Variants in PSME4 observed in about 807,000 individuals in gnomAD.
The protein encoded by PSME4 is proteasome activator subunit 4.
Under a neutral mutation model 253.9 loss-of-function variants are expected in PSME4, and 89 were observed. The observed-to-expected ratio is 0.35, with a 90% CI of 0.30 to 0.42. The LOEUF is 0.42. PSME4 is among the 10% of genes least tolerant of loss of function. The pLI is 1.00. For missense variants in PSME4, 2,014 were observed against 2,195.2 expected (o/e 0.92, Z 1.65); for synonymous variants, 851 against 759.2 (o/e 1.12, Z -1.99).
chr2:53,947,978 T>C (rs547179108), intron 3 of PSME4, among the ~76,000 whole-genome samples: 1 of 152,154 alleles, frequency 6.6e-6, no homozygotes, highest in Non-Finnish European at 1.5e-5. Context: ...ATCACACCAC[T>C]GCACTCCAGC....
chr2:53,938,462 C>T (rs1239289066), intron 4 of PSME4, among the ~76,000 whole-genome samples: 3 of 149,704 alleles, frequency 2.0e-5, no homozygotes, highest in African/African-American at 7.3e-5. Context: ...CTGCTAAATA[C>T]ACCTTAATGG....
chr2:53,904,183 C>A, intron 26 of PSME4, 27 bp from the exon 27 acceptor site: 1 of 1,586,698 alleles, frequency 6.3e-7, no homozygotes, highest in Non-Finnish European at 8.6e-7. Flanking sequence ...TAACAAAGGA[C>A]TTTTATTAAA....
At chr2:53,930,513 C>G (rs1218271984) in intron 10 of PSME4, among the ~76,000 whole-genome samples, 1 of 152,174 alleles carries the variant, frequency 6.6e-6, no homozygotes, top group Non-Finnish European at 1.5e-5. Flanking sequence ...TTCCCCCACT[C>G]CATTTCCTAA....
In PSME4 at chr2:53,887,269, G is replaced by T. The variant is rs772540779; in HGVS notation, c.4719C>A (p.Leu1573=). The T allele has an allele frequency of 6.2e-7, 1 of 1,612,540 alleles. No individual in the cohort carries two copies. The highest frequency in any genetic ancestry group is 8.5e-7 in the Non-Finnish European group (1 of 1,178,684). ...EEDERTQGIK[L]LKTILKWLMA... is the part of the protein sequence containing the mutation. ...ATTTTATCCACTCACTGGTTTTCAA[G>T]AGTTTAATGCCCTGAGTTCGCTCAT... The change falls in exon 40 of 47, where the codon CTC becomes CTA. Residue 1573 remains leucine (L), a synonymous_variant. Coordinates refer to ENST00000404125, the MANE Select transcript of PSME4 (RefSeq NM_014614.3).
Position 53,906,656 on chromosome 2 carries a change from T to C in PSME4, c.2885A>G (p.Lys962Arg), listed in dbSNP as rs1375089319. 6.2e-7 allele frequency: 1 copy of C among 1,604,544 alleles called. No individual in the cohort carries two copies. The highest frequency in any genetic ancestry group is 1.1e-5 in the South Asian group (1 of 89,754). ...TLTVEGCEYK[K>R]IHQDMIRDLL... is the part of the protein sequence containing the mutation. ...ATCTCTGATCATATCTTGATGTATC[T>C]TTTTGTATTCACAACCCTCAACAGT... The change falls in exon 26 of 47, where the codon AAG becomes AGG. Residue 962 changes from lysine (K) to arginine (R), a missense_variant. By Grantham distance (26) the Lys-to-Arg change is conservative. This residue lies in a region of PSME4 where 989 missense variants were observed against 1,021.1 expected (regional missense o/e 0.97). Coordinates refer to ENST00000404125, the MANE Select transcript of PSME4 (RefSeq NM_014614.3).
chr2:53,869,280 G>T, intron 44 of PSME4, 96 bp downstream of exon 44: 3 of 1,228,066 alleles, frequency 2.4e-6, no homozygotes, highest in Non-Finnish European at 3.4e-6. Context: ...ATAGACCTGG[G>T]CACATACATA....
chr2:53,903,987 G>GA, intron 27 of PSME4, 38 bp downstream of exon 27: 1 of 1,534,826 alleles, frequency 6.5e-7, no homozygotes, highest in Non-Finnish European at 8.9e-7. Flanking sequence ...CAGTATGTTT[G>GA]AAAATGTTTA....
intron 41 of PSME4, among the ~76,000 whole-genome samples, chr2:53,882,907 AAATAAAT>A (rs1679460797): frequency 1.4e-5 from 2 of 145,474 alleles, no homozygotes; most frequent in East Asian, 3.9e-4. Flanking sequence ...ATACAAAAAA[AAATAAAT>A]AAATAAGATA....
Position 53,947,974 on chromosome 2 carries a change from C to G in PSME4, c.500+447G>C, listed in dbSNP as rs111952572. On this transcript the variant is annotated intron_variant, in intron 3 of 46. Coordinates refer to ENST00000404125, the MANE Select transcript of PSME4 (RefSeq NM_014614.3). ...GAGGTTGCAGTGAGCTGAGATCACA[C>G]CACTGCACTCCAGCCTGAGCGTCAG... is the stretch of plus-strand genomic sequence containing the variant. Among the ~76,000 whole-genome samples, 29 of 152,212 alleles carry G rather than the reference C, an allele frequency of 1.9e-4. 1 individual carries two copies. Among genetic ancestry groups the G allele is most frequent in the African/African-American group, 6.7e-4 (28 of 41,514 alleles).
chr2:53,926,374 C>T (rs1233124042), intron 12 of PSME4, among the ~76,000 whole-genome samples: 1 of 151,242 alleles, frequency 6.6e-6, no homozygotes, highest in African/African-American at 2.5e-5. Context: ...AACATGCTCG[C>T]GACTGGGCAC....
In PSME4 at chr2:53,895,732, T is replaced by C; in HGVS notation, c.3693A>G (p.Gly1231=). 1 of 1,590,774 alleles carries C rather than the reference T, an allele frequency of 6.3e-7. No individual in the cohort carries two copies. Among genetic ancestry groups the C allele is most frequent in the Non-Finnish European group, 8.5e-7 (1 of 1,172,382 alleles). The change falls in exon 33 of 47, where the codon GGA becomes GGG. Residue 1231 remains glycine, a synonymous_variant. Transcript: ENST00000404125. ...CAATAATTTGGGTGGGTTTAGGGCA[T>C]CCACCTAAGGAAAAGACAATCACAT... ...KLTINPCEIS[G]CPKPTQIIAG...
At chr2:53,880,184 G>C (rs1202943071) in intron 41 of PSME4, among the ~76,000 whole-genome samples, 2 of 152,192 alleles carry the variant, frequency 1.3e-5, no homozygotes, top group African/African-American at 4.8e-5. Flanking sequence ...GGGCTGGGCA[G>C]AGTGGCTTAT....
rs1283475731 is a variant in PSME4, at chr2:53,948,491, G to A, written c.430C>T (p.Pro144Ser). The A allele has an allele frequency of 6.2e-7, 1 of 1,613,438 alleles. No homozygotes were observed. Among genetic ancestry groups the A allele is most frequent in the South Asian group, 1.1e-5 (1 of 91,068 alleles). ...ATTCTTTCTACCATGTCATAAAGTG[G>A]TCTCCAGGGTAACTCCAAATCAGCT... is the stretch of plus-strand genomic sequence containing the variant. ...SRADLELPWR[P>S]LYDMVERILY... is the part of the protein sequence containing the mutation. Residue 144 changes from proline (P) to serine (S), a missense_variant, in exon 3 of 47, where the codon CCA becomes TCA. Around this residue, in one of 4 missense-constraint regions of PSME4, gnomAD observed 615 missense variants for 594.4 expected, o/e 1.03. Transcript: ENST00000404125.
intron 26 of PSME4, 111 bp from the exon 27 acceptor site, chr2:53,904,267 A>C: frequency 8.5e-7 from 1 of 1,178,744 alleles, no homozygotes; most frequent in Non-Finnish European, 1.2e-6. Context: ...TCTCATTAAC[A>C]AAATAAATTT....
rs72799248 is a variant in PSME4 at position 53,888,708 on chromosome 2, T to A, written c.4388+13A>T. ...TTTCGTGTTAACCTCATAGGTTTTT[T>A]AAAAAAATTTACCATGCATCTACAA... On this transcript the variant is annotated intron_variant, in intron 38 of 46. Coordinates refer to ENST00000404125, the MANE Select transcript of PSME4 (RefSeq NM_014614.3). 120,926 of 1,581,772 alleles carry A rather than the reference T, an allele frequency of 0.076. 6,173 individuals carry two copies. Among genetic ancestry groups the A allele is most frequent in the East Asian group, 0.26 (11,380 of 44,576 alleles).
chr2:53,898,160 C>T (rs1166540202), intron 30 of PSME4, 141 bp downstream of exon 30: 1 of 1,174,044 alleles, frequency 8.5e-7, no homozygotes, highest in East Asian at 2.5e-5. Context: ...CCCTCCATCT[C>T]TTTTCCTCTT....
At chr2:53,888,345 T>A (rs1679737146) in intron 38 of PSME4, 1 of 234,136 alleles carries the variant, frequency 4.3e-6, no homozygotes, top group Non-Finnish European at 8.2e-6. Context: ...CAGCACCATA[T>A]GCCCCAAACA....
rs777187261 is a variant in PSME4, at chr2:53,895,664, T to G, written c.3761A>C (p.Lys1254Thr). 1 of 1,613,698 alleles carries G rather than the reference T, an allele frequency of 6.2e-7. No individual in the cohort carries two copies. The highest frequency in any genetic ancestry group is 8.5e-7 in the Non-Finnish European group (1 of 1,179,812). ...TTCTTTTTTAGTTCTTGGTATAGTT[T>G]TGCTGTCATAATGCAACCAATGATT... is the stretch of plus-strand genomic sequence containing the variant. ...PDNHWLHYDS[K>T]TIPRTKKEWE... Residue 1254 changes from lysine (K) to threonine (T), a missense_variant, in exon 33 of 47, where the codon AAA becomes ACA. By Grantham distance (78) the Lys-to-Thr change is moderately conservative. This residue lies in a region of PSME4 where 989 missense variants were observed against 1,021.1 expected (regional missense o/e 0.97). Transcript: ENST00000404125.
At chr2:53,891,778 C>G (rs76412692) in intron 36 of PSME4, among the ~76,000 whole-genome samples, 1,547 of 151,106 alleles carry the variant, frequency 0.01, 31 homozygotes, top group African/African-American at 0.036. Flanking sequence ...TGCTTGAACC[C>G]AGGGAGCAGA....
Sources: allele counts gnomAD v4.1 joint callset (sites outside exome capture counted in the v4.1 genomes callset), GRCh38; gene constraint gnomAD v4.1.1; regional missense constraint gnomAD v4.1.1; transcripts MANE v1.5; gene names NCBI Gene and HGNC (gene_info 2026-07-23, HGNC 2026-07-21).